NRG3: variants seen among roughly 807,000 people sequenced by gnomAD.
The protein encoded by NRG3 is pro-neuregulin-3, membrane-bound isoform.
Under a neutral mutation model 66.9 loss-of-function variants are expected in NRG3, and 31 were observed. The ratio of observed to expected loss-of-function variants is 0.46; its 90% CI spans 0.35 to 0.63. The LOEUF is 0.63. Among genes scored for constraint, NRG3 ranks in the 20% least tolerant of loss-of-function variants. NRG3 has a pLI of 0.00. For missense variants in NRG3, 910 were observed against 878.9 expected (o/e 1.04, Z -0.45); for synonymous variants, 393 against 359.4 (o/e 1.09, Z -1.06).
intron 5 of NRG3, among the ~76,000 whole-genome samples, chr10:82,957,408 A>G (rs1299262288): frequency 2.0e-5 from 3 of 151,890 alleles, no homozygotes; most frequent in Admixed American, 2.0e-4. Flanking sequence ...CACTGACGGC[A>G]CTATCTTTGT....
At chr10:82,202,938 C>T (rs766048986) in intron 1 of NRG3, among the ~76,000 whole-genome samples, 1 of 152,162 alleles carries the variant, frequency 6.6e-6, no homozygotes, top group Admixed American at 6.5e-5. Flanking sequence ...TTGTGGACAA[C>T]AAGCTGTTCA....
intron 1 of NRG3, among the ~76,000 whole-genome samples, chr10:82,196,081 A>G (rs1018241369): frequency 3.9e-5 from 6 of 152,206 alleles, no homozygotes; most frequent in African/African-American, 1.4e-4. Flanking sequence ...GTAAACTAAT[A>G]TCCAGTGTGA....
At chr10:82,252,152 G>A (rs1370398291) in intron 1 of NRG3, among the ~76,000 whole-genome samples, 3 of 152,152 alleles carry the variant, frequency 2.0e-5, no homozygotes, top group African/African-American at 7.2e-5. Context: ...TTAATTAATT[G>A]CCTTGAAGAG....
At chr10:82,145,824 A>C (rs143105124) in intron 1 of NRG3, among the ~76,000 whole-genome samples, 1 of 152,252 alleles carries the variant, frequency 6.6e-6, no homozygotes, top group Non-Finnish European at 1.5e-5. Context: ...TTATATATCC[A>C]GAGGCAGTTT....
chr10:82,532,789 C>A (rs1173977848), intron 2 of NRG3, among the ~76,000 whole-genome samples: 1 of 151,320 alleles, frequency 6.6e-6, no homozygotes, highest in Non-Finnish European at 1.5e-5. Context: ...GATAAAATCC[C>A]AGTAGTAGAG....
intron 2 of NRG3, among the ~76,000 whole-genome samples, chr10:82,387,283 T>C (rs922064730): frequency 6.6e-6 from 1 of 152,150 alleles, no homozygotes; most frequent in African/African-American, 2.4e-5. Context: ...TCAAAATATA[T>C]ATGCTTTTAA....
intron 2 of NRG3, among the ~76,000 whole-genome samples, chr10:82,578,529 G>A (rs1012254250): frequency 4.6e-5 from 7 of 151,374 alleles, no homozygotes; most frequent in South Asian, 2.1e-4. Context: ...TGCCAATCTC[G>A]TTTATTATAA....
intron 2 of NRG3, among the ~76,000 whole-genome samples, chr10:82,542,486 G>A (rs1456653369): frequency 6.6e-6 from 1 of 152,100 alleles, no homozygotes. Flanking sequence ...AAATCAAATG[G>A]TAAGGAATCA....
intron 2 of NRG3, among the ~76,000 whole-genome samples, chr10:82,706,609 T>A (rs2056304270): frequency 6.6e-6 from 1 of 152,222 alleles, no homozygotes; most frequent in Non-Finnish European, 1.5e-5. Flanking sequence ...AACAACATTA[T>A]GCTTTATAAA....
chr10:82,143,397 G>T (rs921926484), intron 1 of NRG3, among the ~76,000 whole-genome samples: 2 of 152,144 alleles, frequency 1.3e-5, no homozygotes, highest in African/African-American at 4.8e-5. Context: ...GATTAGGTGT[G>T]CTGCTTTTCA....
intron 1 of NRG3, among the ~76,000 whole-genome samples, chr10:82,008,031 T>A (rs926907891): frequency 6.6e-6 from 1 of 152,222 alleles, no homozygotes. Flanking sequence ...TACTGATTGC[T>A]CACCAATTTG....
chr10:82,331,147 T>TA (rs2082118135), intron 1 of NRG3, among the ~76,000 whole-genome samples: 2 of 152,342 alleles, frequency 1.3e-5, no homozygotes, highest in South Asian at 4.1e-4. Context: ...GTGCTCAGAA[T>TA]ACCTGCTGGA....
intron 1 of NRG3, among the ~76,000 whole-genome samples, chr10:81,882,220 G>C (rs1207227069): frequency 6.6e-6 from 1 of 152,158 alleles, no homozygotes; most frequent in Non-Finnish European, 1.5e-5. Flanking sequence ...CCTGGTGGCT[G>C]TGTCCCTTTC....
chr10:81,945,545 G>T (rs543631384), intron 1 of NRG3, among the ~76,000 whole-genome samples: 2 of 152,062 alleles, frequency 1.3e-5, no homozygotes, highest in Admixed American at 6.6e-5. Flanking sequence ...TAATATCTTT[G>T]CTCTGAAAAC....
At chr10:82,191,871 T>C (rs2074161596) in intron 1 of NRG3, among the ~76,000 whole-genome samples, 1 of 152,196 alleles carries the variant, frequency 6.6e-6, no homozygotes, top group Non-Finnish European at 1.5e-5. Context: ...CCAATGCCCA[T>C]TTTCTTATGC....
intron 1 of NRG3, among the ~76,000 whole-genome samples, chr10:82,316,674 C>T (rs915481107): frequency 1.3e-5 from 2 of 152,130 alleles, no homozygotes; most frequent in Admixed American, 6.5e-5. Flanking sequence ...GATTTCATTT[C>T]ATAAAACAAA....
At chr10:82,899,187 G>A (rs1843971675) in intron 4 of NRG3, among the ~76,000 whole-genome samples, 1 of 152,032 alleles carries the variant, frequency 6.6e-6, no homozygotes, top group Admixed American at 6.6e-5. Context: ...CTGCACATAA[G>A]GGACACTAAA....
intron 1 of NRG3, among the ~76,000 whole-genome samples, chr10:82,016,121 C>T (rs894488742): frequency 4.6e-5 from 7 of 151,720 alleles, no homozygotes; most frequent in Admixed American, 1.3e-4. Context: ...TGGTCATTGA[C>T]TCAGTGTATA....
rs190627833 is a variant in NRG3, at chr10:81,929,274, A to G, written c.823+53111A>G. ...TCTCCATCTGTTCTTCTCCTCCTCAATGTTTCTAAAATCCCTGCAATACCA... is the reference window on the plus strand; with the variant it reads ...TCTCCATCTGTTCTTCTCCTCCTCAGTGTTTCTAAAATCCCTGCAATACCA... On this transcript the variant is annotated intron_variant, in intron 1 of 8. Coordinates refer to ENST00000372141, the MANE Select transcript of NRG3 (RefSeq NM_001010848.4). Among the ~76,000 whole-genome samples the G allele has an allele frequency of 6.2e-4, 94 of 152,240 alleles. 1 individual carries two copies. The highest frequency in any genetic ancestry group is 1.4e-3 in the Admixed American group (21 of 15,300).
Sources: gnomAD v4.1 joint callset for allele counts (sites outside exome capture counted in the v4.1 genomes callset) on GRCh38, gnomAD v4.1.1 for gene constraint, MANE v1.5 for transcripts, NCBI Gene and HGNC (gene_info 2026-07-23, HGNC 2026-07-21) for gene names.